The following GBP7 variants were observed in gnomAD, a reference collection of about 807,000 sequenced individuals.
GBP7 encodes the protein guanylate-binding protein 7.
GBP7 carries 43 observed loss-of-function variants against 61.3 expected under a neutral mutation model. The observed-to-expected ratio is 0.70, with a 90% CI of 0.55 to 0.91. The LOEUF (loss-of-function observed/expected upper bound fraction) is 0.91, where lower values mean the gene tolerates loss of function less well. Ranked by LOEUF, GBP7 falls within the 40% of genes least tolerant of loss-of-function variation. The pLI is 0.00. For synonymous variants in GBP7, 267 were observed against 271.0 expected, an observed-to-expected ratio of 0.99 and a Z score of 0.14; for missense variants, 717 against 740.5, an observed-to-expected ratio of 0.97 and a Z score of 0.37.
At chr1:89,150,818 A>T (rs1190706604) in intron 5 of GBP7, among the ~76,000 whole-genome samples, 1 of 152,190 alleles carries the variant, frequency 6.6e-6, no homozygotes, top group Non-Finnish European at 1.5e-5. Flanking sequence ...ATCCACCTCA[A>T]GTGAAGGAAT....
At chr1:89,145,260 T>C (rs966988334) in intron 8 of GBP7, among the ~76,000 whole-genome samples, 15 of 152,152 alleles carry the variant, frequency 9.9e-5, no homozygotes. Context: ...TGACTTTCGC[T>C]CTTTTTAAAT....
chr1:89,151,986 C>T (rs1682211210), intron 5 of GBP7, among the ~76,000 whole-genome samples: 1 of 152,126 alleles, frequency 6.6e-6, no homozygotes, highest in Admixed American at 6.5e-5. Context: ...TGTGATAATA[C>T]TAATTGTAAT....
chr1:89,163,847 C>CT lies in GBP7; in HGVS notation c.318+883dup, dbSNP rs570910409. Among the ~76,000 whole-genome samples, 183 of 146,012 alleles carry CT rather than the reference C, an allele frequency of 1.3e-3. 6 individuals carry two copies. Among genetic ancestry groups the CT allele is most frequent in the East Asian group, 2.0e-3 (10 of 5,006 alleles). On this transcript the variant is annotated intron_variant, in intron 3 of 10. Coordinates refer to ENST00000294671, the MANE Select transcript of GBP7 (RefSeq NM_207398.3). ...TGGTGGTTTTCTTTTCTTTTTCTTT[C>CT]TTTTTTTTTTGTTTTTTGTTTGTTT...
intron 2 of GBP7, among the ~76,000 whole-genome samples, chr1:89,167,104 G>A (rs961014051): frequency 6.6e-6 from 1 of 152,092 alleles, no homozygotes; most frequent in Non-Finnish European, 1.5e-5. Context: ...TTTCTCTCTT[G>A]TTATTTTAGC....
At chr1:89,169,733 C>T (rs1208369030) in intron 2 of GBP7, among the ~76,000 whole-genome samples, 1 of 152,154 alleles carries the variant, frequency 6.6e-6, no homozygotes, top group Non-Finnish European at 1.5e-5. Context: ...ACAAAAAGTT[C>T]ACCAAACCAC....
At chr1:89,164,965 G>T in intron 2 of GBP7, 107 bp from the exon 3 acceptor site, 1 of 1,111,950 alleles carries the variant, frequency 9.0e-7, no homozygotes, top group Non-Finnish European at 1.3e-6. Context: ...AGGGGAAACG[G>T]GTTGCTTCCA....
At position 89,164,010 on chromosome 1, in the gene GBP7, C is replaced by G. The variant is rs570714018; in HGVS notation, c.318+721G>C. On this transcript the variant is annotated intron_variant, in intron 3 of 10. Coordinates refer to ENST00000294671, the MANE Select transcript of GBP7 (RefSeq NM_207398.3). ...TCAGCCTCCTGAATAGCTGGGATTACAGGTGCCCGCCTCTGCGCTGGGCTA... is the reference window on the plus strand; with the variant it reads ...TCAGCCTCCTGAATAGCTGGGATTAGAGGTGCCCGCCTCTGCGCTGGGCTA... Among the ~76,000 whole-genome samples, 18 of 152,154 alleles carry G rather than the reference C, an allele frequency of 1.2e-4. No individual in the cohort carries two copies. In the South Asian group the frequency reaches 3.7e-3, roughly 32 times the overall value.
Position 89,152,611 on chromosome 1 carries a change from C to T in GBP7, c.428+57G>A, listed in dbSNP as rs759376300. 5 of 1,542,760 alleles carry T rather than the reference C, an allele frequency of 3.2e-6. No homozygotes were observed. The Admixed American group carries it at 8.8e-5, about 27-fold the overall frequency. On this transcript the variant is annotated intron_variant, in intron 4 of 10. Transcript: ENST00000294671. ...AGTCACAACAAAGAAGACACAGTAT[C>T]AGTTTCCATTCCCCTAAACTCCATA...
At chr1:89,171,663 T>C in intron 2 of GBP7, 83 bp downstream of exon 2, 1 of 1,264,694 alleles carries the variant, frequency 7.9e-7, no homozygotes, top group Non-Finnish European at 1.1e-6. Flanking sequence ...AACACTAACT[T>C]TCTCTCATCC....
chr1:89,140,165 A>G (rs1342776265), intron 9 of GBP7, among the ~76,000 whole-genome samples: 3 of 151,940 alleles, frequency 2.0e-5, no homozygotes, highest in Non-Finnish European at 4.4e-5. Flanking sequence ...ACTGGAAACC[A>G]TCATTCTCAG....
chr1:89,171,298 T>A lies in GBP7; in HGVS notation c.190+448A>T, dbSNP rs144835722. Among the ~76,000 whole-genome samples the A allele has an allele frequency of 4.6e-5, 7 of 152,288 alleles. No homozygotes were observed. In the East Asian group the frequency reaches 1.4e-3, roughly 29 times the overall value. On this transcript the variant is annotated intron_variant, in intron 2 of 10. Transcript: ENST00000294671. ...ATCAGCCTTCTGACTGGTAGCTTGG[T>A]GCTTTGTAAGCCACACTGAGCCCCT... is the stretch of plus-strand genomic sequence containing the variant.
chr1:89,139,883 G>T (rs1681892442), intron 9 of GBP7, among the ~76,000 whole-genome samples: 1 of 152,244 alleles, frequency 6.6e-6, no homozygotes, highest in South Asian at 2.1e-4. Flanking sequence ...AGTCAGTGTG[G>T]CGATTCCTCA....
chr1:89,168,893 C>T (rs957385344), intron 2 of GBP7, among the ~76,000 whole-genome samples: 21 of 152,086 alleles, frequency 1.4e-4, no homozygotes, highest in Admixed American at 9.2e-4. Flanking sequence ...CGCTTGAACC[C>T]GGGAGGCGGA....
intron 3 of GBP7, among the ~76,000 whole-genome samples, chr1:89,154,746 T>C (rs1015548825): frequency 2.0e-5 from 3 of 151,946 alleles, no homozygotes; most frequent in East Asian, 1.9e-4. Flanking sequence ...TTAAAAAATA[T>C]TTTAAGTCCA....
chr1:89,175,359 C>G (rs1359126063), intron 1 of GBP7, among the ~76,000 whole-genome samples: 2 of 152,092 alleles, frequency 1.3e-5, no homozygotes, highest in East Asian at 3.9e-4. Context: ...GATCTGCTGG[C>G]AAGCAAGAAG....
intron 3 of GBP7, among the ~76,000 whole-genome samples, chr1:89,159,185 T>C (rs922418291): frequency 2.6e-5 from 4 of 152,156 alleles, no homozygotes; most frequent in Admixed American, 2.6e-4. Context: ...CTGGATCCCT[T>C]CCTTACACCT....
intron 9 of GBP7, among the ~76,000 whole-genome samples, chr1:89,141,184 C>G (rs560318586): frequency 6.7e-6 from 1 of 150,168 alleles, no homozygotes; most frequent in South Asian, 2.1e-4. Flanking sequence ...TGTGTACCCT[C>G]TGGACCTAAA....
intron 9 of GBP7, among the ~76,000 whole-genome samples, chr1:89,141,244 G>A (rs1197600818): frequency 2.0e-5 from 3 of 151,596 alleles, no homozygotes; most frequent in African/African-American, 7.3e-5. Flanking sequence ...TCTTGTCTGA[G>A]TTCTACTCTC....
intron 9 of GBP7, among the ~76,000 whole-genome samples, chr1:89,134,032 T>C (rs1681739130): frequency 6.6e-6 from 1 of 152,172 alleles, no homozygotes; most frequent in Non-Finnish European, 1.5e-5. Context: ...AGATCCAGTA[T>C]GGTCTGAGCA....
Sources: gnomAD v4.1 joint callset for allele counts (sites outside exome capture counted in the v4.1 genomes callset) on GRCh38, gnomAD v4.1.1 for gene constraint, MANE v1.5 for transcripts, NCBI Gene and HGNC (gene_info 2026-07-23, HGNC 2026-07-21) for gene names.